ENOSF1: variants seen among roughly 807,000 people sequenced by gnomAD.
The protein encoded by ENOSF1 is enolase superfamily member 1, also known as mitochondrial enolase superfamily member 1.
In ENOSF1, 73 loss-of-function variants were observed where a neutral mutation model predicts 68.2. The ratio of observed to expected loss-of-function variants is 1.07; its 90% CI spans 0.89 to 1.30. The LOEUF (loss-of-function observed/expected upper bound fraction) is 1.30. Ranked by LOEUF, ENOSF1 falls within the 50% of genes most tolerant of loss-of-function variation. ENOSF1 has a pLI of 0.00. For synonymous variants in ENOSF1, 223 were observed against 210.4 expected (o/e 1.06, Z -0.52); for missense variants, 589 against 554.5 (o/e 1.06, Z -0.62).
Position 673,000 on chromosome 18 carries a change from T to A in ENOSF1, c.*1305A>T. On this transcript the variant is annotated 3_prime_UTR_variant, in exon 16 of 16. Coordinates refer to ENST00000647584, the MANE Select transcript of ENOSF1 (RefSeq NM_017512.7). ...TTAAAATGGAAATGGCTGTTTAGGG[T>A]GCTTTCAAAGGAGCTCGAAGGATAT... is the stretch of plus-strand genomic sequence containing the variant. 6.4e-7 allele frequency: 1 copy of A among 1,559,386 alleles called. No individual in the cohort carries two copies. The highest frequency in any genetic ancestry group is 8.8e-7 in the Non-Finnish European group (1 of 1,138,822).
chr18:681,533 A>G (rs1301482878), intron 11 of ENOSF1, among the ~76,000 whole-genome samples: 1 of 152,168 alleles, frequency 6.6e-6, no homozygotes, highest in East Asian at 1.9e-4. Context: ...CCAAGGTGAA[A>G]AGTCTTGTTT....
In ENOSF1 at chr18:709,434, G is replaced by C. The variant is rs937133762; in HGVS notation, c.85-2856C>G. Among the ~76,000 whole-genome samples the C allele has an allele frequency of 6.6e-5, 10 of 152,272 alleles. 1 individual carries two copies. Among genetic ancestry groups the C allele is most frequent in the Admixed American group, 3.9e-4 (6 of 15,292 alleles). On this transcript the variant is annotated intron_variant, in intron 1 of 15. Transcript: ENST00000647584. ...AGGACAGCTGAAGGAGAAATAACAA[G>C]GGCAATTCACAGAGAAGAAAGGAAC...
intron 7 of ENOSF1, 45 bp downstream of exon 7, chr18:691,023 G>T: frequency 1.2e-6 from 2 of 1,605,574 alleles, no homozygotes; most frequent in South Asian, 1.1e-5. Context: ...CTCAAAAGTG[G>T]ACAATGTTAG....
intron 2 of ENOSF1, 88 bp from the exon 3 acceptor site, chr18:697,443 A>G (rs2077859286): frequency 9.3e-7 from 1 of 1,075,054 alleles, no homozygotes; most frequent in Admixed American, 2.1e-5. Context: ...AACAAATGTG[A>G]AAGTTTTATG....
chr18:685,920 C>T lies in ENOSF1; in HGVS notation c.741+1G>A, dbSNP rs2076572788. 1.9e-6 allele frequency: 3 copies of T among 1,612,696 alleles called. No homozygotes were observed. The highest frequency in any genetic ancestry group is 2.5e-6 in the Non-Finnish European group (3 of 1,178,728). ...TCTTAGTGGTGTGAGAGGATATTTA[C>T]CAAAGTCTTTTCCGGTCCAATCATG... On this transcript the variant is annotated splice_donor_variant, in intron 10 of 15. Coordinates refer to ENST00000647584, the MANE Select transcript of ENOSF1 (RefSeq NM_017512.7). LOFTEE classifies it high-confidence loss of function.
At chr18:694,156 G>T (rs2077482443) in intron 4 of ENOSF1, 92 bp downstream of exon 4, 1 of 1,314,256 alleles carries the variant, frequency 7.6e-7, no homozygotes, top group Non-Finnish European at 1.1e-6. Context: ...TCCTTTTGGG[G>T]GCTGCAGTGT....
intron 7 of ENOSF1, 189 bp from the exon 8 acceptor site, chr18:690,820 TGCTCCCCCAGG>T: frequency 6.9e-7 from 1 of 1,451,718 alleles, no homozygotes; most frequent in Non-Finnish European, 9.1e-7. Context: ...CGGACTGCCC[TGCTCCCCCAGG>T]GCTCTCCCTA....
At chr18:681,927 T>C (rs2076119593) in intron 11 of ENOSF1, among the ~76,000 whole-genome samples, 1 of 152,334 alleles carries the variant, frequency 6.6e-6, no homozygotes, top group East Asian at 1.9e-4. Context: ...AACAGAGAAC[T>C]GGTCCCTGAG....
chr18:682,973 T>G lies in ENOSF1; in HGVS notation c.876+273A>C, dbSNP rs1568037304. Reference sequence around the variant, plus strand: ...CTGTATTTACAAAGCATAGGAACCATGTCTATTAACCTTCAAATTGCTGGT... The same window carrying G: ...CTGTATTTACAAAGCATAGGAACCAGGTCTATTAACCTTCAAATTGCTGGT... On this transcript the variant is annotated intron_variant, in intron 11 of 15. Coordinates refer to ENST00000647584, the MANE Select transcript of ENOSF1 (RefSeq NM_017512.7). 4 of 388,666 alleles carry G rather than the reference T, an allele frequency of 1.0e-5. No individual in the cohort carries two copies. In the South Asian group the frequency reaches 1.9e-4, roughly 19 times the overall value. 24.1% of individuals were successfully genotyped at this position (388,666 alleles called of 1,614,324 possible).
chr18:688,525 A>G, intron 9 of ENOSF1, 49 bp downstream of exon 9: 1 of 1,613,410 alleles, frequency 6.2e-7, no homozygotes, highest in Non-Finnish European at 8.5e-7. Context: ...TTACTGCCTG[A>G]GTCTCTCCTG....
intron 1 of ENOSF1, among the ~76,000 whole-genome samples, chr18:708,695 G>C (rs1449578008): frequency 2.0e-5 from 3 of 152,102 alleles, no homozygotes; most frequent in Admixed American, 2.0e-4. Flanking sequence ...AGGAAGGGGA[G>C]CTCCTCAGCA....
At chr18:683,497 C>T in intron 10 of ENOSF1, 117 bp from the exon 11 acceptor site, 1 of 1,220,428 alleles carries the variant, frequency 8.2e-7, no homozygotes, top group Non-Finnish European at 1.2e-6. Flanking sequence ...GTGAGACCCC[C>T]TAACGCCTCT....
chr18:670,985 G>A lies in ENOSF1; in HGVS notation c.*3320C>T, dbSNP rs1172388961. ...TGATTAGCTTTTAAATTTGATATGT[G>A]TAAGTAAGAAATGAACCAGCTTTTA... On this transcript the variant is annotated 3_prime_UTR_variant, in exon 16 of 16. Coordinates refer to ENST00000647584, the MANE Select transcript of ENOSF1 (RefSeq NM_017512.7). 1.4e-5 allele frequency: 18 copies of A among 1,269,542 alleles called. No homozygotes were observed. Among genetic ancestry groups the A allele is most frequent in the Non-Finnish European group, 1.5e-5 (14 of 928,284 alleles). 78.6% of individuals were successfully genotyped at this position (1,269,542 alleles called of 1,614,324 possible). A position where few individuals can be genotyped will look rare whatever the true frequency, so the allele number is the denominator to read the frequency against.
chr18:678,526 A>C (rs1000778221), intron 12 of ENOSF1, 170 bp downstream of exon 12: 1 of 623,980 alleles, frequency 1.6e-6, no homozygotes, highest in Non-Finnish European at 2.8e-6. Context: ...AACTTTTTCT[A>C]TATCTGACTC....
At chr18:679,471 AGTGTTGGGATTACAG>A (rs1447437482) in intron 11 of ENOSF1, among the ~76,000 whole-genome samples, 1 of 151,482 alleles carries the variant, frequency 6.6e-6, no homozygotes, top group Non-Finnish European at 1.5e-5. Flanking sequence ...GGCCTCCCAA[AGTGTTGGGATTACAG>A]GTGTGAGCCA....
intron 1 of ENOSF1, among the ~76,000 whole-genome samples, chr18:710,406 A>T (rs1191550255): frequency 6.6e-6 from 1 of 152,082 alleles, no homozygotes; most frequent in African/African-American, 2.4e-5. Context: ...CACCACGCTC[A>T]GCCAAACCAG....
In ENOSF1 at chr18:670,402, T is replaced by C. The variant is rs935192200; in HGVS notation, c.*3903A>G. On this transcript the variant is annotated 3_prime_UTR_variant, in exon 16 of 16. Coordinates refer to ENST00000647584, the MANE Select transcript of ENOSF1 (RefSeq NM_017512.7). ...CTGTGGCAAACAGAATTATTCCTGC[T>C]GTATTTGTAATCTGGTGCCACGAGG... is the stretch of plus-strand genomic sequence containing the variant. 6.3e-6 allele frequency: 2 copies of C among 318,736 alleles called. No homozygotes were observed. The allele number at this position is 318,736 out of a possible 1,614,324, so 19.7% of individuals were successfully genotyped here. A position where few individuals can be genotyped will look rare whatever the true frequency, so the allele number is the denominator to read the frequency against.
intron 10 of ENOSF1, among the ~76,000 whole-genome samples, chr18:683,984 ATTTCT>A (rs143280085): frequency 0.027 from 4,006 of 148,098 alleles, 186 homozygotes; most frequent in African/African-American, 0.095. Context: ...AAGCCCGTGG[ATTTCT>A]TTTCTTTTTC....
At chr18:677,290 G>A (rs1462002491) in intron 14 of ENOSF1, 55 bp downstream of exon 14, 2 of 1,420,470 alleles carry the variant, frequency 1.4e-6, no homozygotes, top group Non-Finnish European at 2.0e-6. Context: ...TACAAGCTCT[G>A]GCCTGGATTG....
Sources: gnomAD v4.1 joint callset for allele counts (sites outside exome capture counted in the v4.1 genomes callset) on GRCh38, gnomAD v4.1.1 for gene constraint, MANE v1.5 for transcripts, NCBI Gene and HGNC (gene_info 2026-07-23, HGNC 2026-07-21) for gene names.